The following ZNF546 variants were observed in gnomAD, a reference collection of about 807,000 sequenced individuals.
ZNF546 encodes the protein CTC-471F3.6.
A neutral mutation model predicts 76.2 loss-of-function variants in ZNF546; 60 were observed. That is an observed-to-expected ratio of 0.79 (90% CI 0.64 to 0.98). The LOEUF is 0.98. Ranked by LOEUF, ZNF546 falls within the 50% of genes least tolerant of loss-of-function variation. ZNF546 has a pLI of 0.00. For missense variants in ZNF546, 936 were observed against 1,035.6 expected, an observed-to-expected ratio of 0.90 and a Z score of 1.32; for synonymous variants, 277 against 328.1, an observed-to-expected ratio of 0.84 and a Z score of 1.68.
intron 6 of ZNF546, among the ~76,000 whole-genome samples, chr19:40,013,115 T>G (rs1466808814): frequency 6.6e-6 from 1 of 152,116 alleles, no homozygotes; most frequent in Non-Finnish European, 1.5e-5. Context: ...ACCCGGCCTA[T>G]TTTACAATTC....
At position 40,008,517 on chromosome 19, in the gene ZNF546, A is replaced by G; in HGVS notation, c.346A>G (p.Lys116Glu). The G allele has an allele frequency of 3.1e-6, 5 of 1,612,892 alleles. No homozygotes were observed. Among genetic ancestry groups the G allele is most frequent in the African/African-American group, 2.7e-5 (2 of 75,052 alleles). ...PDVITLLEQE[K>E]EPWIVMREGT... ...TGTGATTACTTTATTGGAGCAAGAG[A>G]AAGAGCCCTGGATAGTAATGAGGGA... The change falls in exon 6 of 7, where the codon AAA (lysine) becomes GAA (glutamate). Residue 116 changes from lysine to glutamate, a missense_variant. Lys to Glu is a moderately conservative substitution (Grantham distance 56). Transcript: ENST00000347077.
intron 3 of ZNF546, among the ~76,000 whole-genome samples, chr19:40,001,609 ACCT>A (rs1232484386): frequency 6.6e-6 from 1 of 152,052 alleles, no homozygotes; most frequent in Non-Finnish European, 1.5e-5. Context: ...TGATCCACCC[ACCT>A]CAGCCTCCCA....
rs1259161668 is a variant in ZNF546, at chr19:40,018,285, T to C, written c.*2504T>C. Reference sequence around the variant, plus strand: ...GCACCCGGCCTTCCCAAAGTATTTTTAAATGTGCTTTTTTATCCCCAGTAT... The same window carrying C: ...GCACCCGGCCTTCCCAAAGTATTTTCAAATGTGCTTTTTTATCCCCAGTAT... On this transcript the variant is annotated 3_prime_UTR_variant, in exon 7 of 7. Transcript: ENST00000347077. 6.6e-6 allele frequency: 1 copy of C among 152,224 alleles called. No individual in the cohort carries two copies. Among genetic ancestry groups the C allele is most frequent in the Non-Finnish European group, 1.5e-5 (1 of 68,050 alleles). The allele number at this position is 152,224 out of a possible 1,614,324, so 9.4% of individuals were successfully genotyped here. A position where few individuals can be genotyped will look rare whatever the true frequency, so the allele number is the denominator to read the frequency against.
Position 40,016,107 on chromosome 19 carries a change from C to G in ZNF546, c.*326C>G. ...CTGTAATCCCAGCACTGTGGAAAGACAGGAGTTCGAAACCAGCCTGGGCAA... is the reference window on the plus strand; with the variant it reads ...CTGTAATCCCAGCACTGTGGAAAGAGAGGAGTTCGAAACCAGCCTGGGCAA... On this transcript the variant is annotated 3_prime_UTR_variant, in exon 7 of 7. Coordinates refer to ENST00000347077, the MANE Select transcript of ZNF546 (RefSeq NM_178544.5). The G allele has an allele frequency of 3.5e-6, 1 of 284,878 alleles. No homozygotes were observed. Among genetic ancestry groups the G allele is most frequent in the Non-Finnish European group, 6.7e-6 (1 of 148,550 alleles). The allele number at this position is 284,878 out of a possible 1,614,324, so 17.6% of individuals were successfully genotyped here.
chr19:40,015,106 T>C lies in ZNF546; in HGVS notation c.1836T>C (p.Asn612=), dbSNP rs146242831. The C allele has an allele frequency of 1.6e-5, 26 of 1,613,238 alleles. No homozygotes were observed. In the African/African-American group the frequency reaches 3.2e-4, roughly 20 times the overall value. The part of the protein sequence containing the change: ...IHTGEKPYIC[N]ECGKAFRFQT... ...CTGGTGAAAAACCCTACATATGTAA[T>C]GAATGTGGGAAAGCCTTTCGATTTC... The change falls in exon 7 of 7, where the codon AAT becomes AAC. Residue 612 remains asparagine (N), a synonymous_variant. Coordinates refer to ENST00000347077, the MANE Select transcript of ZNF546 (RefSeq NM_178544.5).
rs547360581 is a variant in ZNF546 at position 40,014,647 on chromosome 19, T to C, written c.1377T>C (p.His459=). ...AFRLQTELTR[H]HRTHTGEKPY... ...GTCTTCAAACGGAACTTACTCGGCA[T>C]CATAGAACTCATACTGGTGAGAAAC... is the stretch of plus-strand genomic sequence containing the variant. The change falls in exon 7 of 7, where the codon CAT becomes CAC. Residue 459 remains histidine (H), a synonymous_variant. Coordinates refer to ENST00000347077, the MANE Select transcript of ZNF546 (RefSeq NM_178544.5). The C allele has an allele frequency of 6.2e-7, 1 of 1,613,468 alleles. No individual in the cohort carries two copies. Among genetic ancestry groups the C allele is most frequent in the East Asian group, 2.2e-5 (1 of 44,852 alleles).
intron 3 of ZNF546, among the ~76,000 whole-genome samples, chr19:40,001,834 T>C (rs1971534949): frequency 6.6e-6 from 1 of 152,184 alleles, no homozygotes; most frequent in Non-Finnish European, 1.5e-5. Flanking sequence ...ATGATTTTAT[T>C]TAATAGCAGT....
At chr19:40,006,898 G>T (rs959738244) in intron 4 of ZNF546, among the ~76,000 whole-genome samples, 1 of 152,114 alleles carries the variant, frequency 6.6e-6, no homozygotes, top group Non-Finnish European at 1.5e-5. Flanking sequence ...GAGTTTTAAC[G>T]AAATCACGTA....
In ZNF546 at chr19:40,014,306, G is replaced by A. The variant is rs1971718084; in HGVS notation, c.1036G>A (p.Glu346Lys). ...KAFRLHYQLT[E>K]HQRIHTGERP... ...CTTTAGACTTCATTATCAACTAACT[G>A]AACATCAAAGAATTCATACTGGTGA... The change falls in exon 7 of 7, where the codon GAA becomes AAA. Residue 346 changes from glutamate to lysine, a missense_variant. Physicochemically the swap from Glu to Lys is moderately conservative, Grantham distance 56 (BLOSUM62 1). Transcript: ENST00000347077. 6.2e-7 allele frequency: 1 copy of A among 1,609,390 alleles called. No individual in the cohort carries two copies. The highest frequency in any genetic ancestry group is 1.1e-5 in the South Asian group (1 of 90,150).
intron 3 of ZNF546, among the ~76,000 whole-genome samples, chr19:40,001,322 A>G (rs1358966873): frequency 2.0e-5 from 3 of 151,966 alleles, no homozygotes; most frequent in Admixed American, 1.3e-4. Context: ...ATGTTGAAGA[A>G]TGATGTCCCC....
In ZNF546 at chr19:40,019,371, A is replaced by G. The variant is rs1971824009; in HGVS notation, c.*3590A>G. ...AGAATGAAGAAGCATTAAACTCAAG[A>G]AACTAAGGGAAAAATAAGTCAATAT... On this transcript the variant is annotated 3_prime_UTR_variant, in exon 7 of 7. Coordinates refer to ENST00000347077, the MANE Select transcript of ZNF546 (RefSeq NM_178544.5). 1 of 152,248 alleles carries G rather than the reference A, an allele frequency of 6.6e-6. No individual in the cohort carries two copies. The highest frequency in any genetic ancestry group is 2.1e-4 in the South Asian group (1 of 4,838). 9.4% of individuals were successfully genotyped at this position (152,248 alleles called of 1,614,324 possible). A position where few individuals can be genotyped will look rare whatever the true frequency, so the allele number is the denominator to read the frequency against.
In ZNF546 at chr19:40,015,316, A is replaced by G; in HGVS notation, c.2046A>G (p.Gln682=). 2 of 1,614,166 alleles carry G rather than the reference A, an allele frequency of 1.2e-6. No individual in the cohort carries two copies. Among genetic ancestry groups the G allele is most frequent in the Non-Finnish European group, 1.7e-6 (2 of 1,180,022 alleles). Residue 682 remains glutamine (Q), a synonymous_variant, in exon 7 of 7, where the codon CAA becomes CAG. Transcript: ENST00000347077. The stretch of plus-strand genomic sequence containing the variant: ...TTAGTCGGCACTATCATCTTACTCA[A>G]CATCACAGAGGCCATACTGGTGAGA... ...KTFSRHYHLT[Q]HHRGHTGEKP... is the part of the protein sequence containing the mutation.
Position 40,015,710 on chromosome 19 carries a change from T to G in ZNF546, c.2440T>G (p.Phe814Val). 8.1e-6 allele frequency: 13 copies of G among 1,614,134 alleles called. No individual in the cohort carries two copies. The highest frequency in any genetic ancestry group is 1.1e-5 in the Non-Finnish European group (13 of 1,179,980). The change falls in exon 7 of 7, where the codon TTT (phenylalanine) becomes GTT (valine). Residue 814 changes from phenylalanine to valine, a missense_variant. Phe to Val is a conservative substitution (Grantham distance 50, BLOSUM62 -1). Transcript: ENST00000347077. ...PYQCKECGKA[F>V]IRSDQLTLHQ... ...TCAATGTAAAGAATGTGGAAAAGCC[T>G]TTATTCGTAGTGATCAACTTACTTT...
intron 2 of ZNF546, 57 bp downstream of exon 2, chr19:39,997,972 CA>C: frequency 4.7e-6 from 1 of 211,800 alleles, no homozygotes; most frequent in Non-Finnish European, 9.4e-6. Flanking sequence ...CTAATCCTCA[CA>C]CAGCCTTGCC....
chr19:40,007,137 T>C, intron 4 of ZNF546, 137 bp from the exon 5 acceptor site: 1 of 528,192 alleles, frequency 1.9e-6, no homozygotes, highest in Non-Finnish European at 3.0e-6. Context: ...GAAATATTAA[T>C]TTCTTTATTC....
At chr19:40,008,767 G>T (rs1026904328) in intron 6 of ZNF546, among the ~76,000 whole-genome samples, 3 of 152,188 alleles carry the variant, frequency 2.0e-5, no homozygotes, top group Admixed American at 1.3e-4. Flanking sequence ...CATACTCCTT[G>T]TTTCTCTTCT....
At chr19:39,998,210 A>G in intron 2 of ZNF546, 38 bp from the exon 3 acceptor site, 1 of 733,850 alleles carries the variant, frequency 1.4e-6, no homozygotes. Context: ...TCTTTAAGTA[A>G]ATCTTTAAAT....
At chr19:40,006,496 C>T (rs1441291748) in intron 4 of ZNF546, among the ~76,000 whole-genome samples, 6 of 152,164 alleles carry the variant, frequency 3.9e-5, no homozygotes, top group African/African-American at 1.4e-4. Context: ...TTTCAGGCAT[C>T]TAGCCAGGGA....
In ZNF546 at chr19:40,017,066, T is replaced by C. The variant is rs1472513884; in HGVS notation, c.*1285T>C. The C allele has an allele frequency of 6.6e-6, 1 of 152,184 alleles. No individual in the cohort carries two copies. Among genetic ancestry groups the C allele is most frequent in the East Asian group, 1.9e-4 (1 of 5,206 alleles). The allele number at this position is 152,184 out of a possible 1,614,324, so 9.4% of individuals were successfully genotyped here. ...ATGTGAGAGGAAGGCCCTGTGGGTG[T>C]AAGAAATTTGTAAAAACTGTCCATT... On this transcript the variant is annotated 3_prime_UTR_variant, in exon 7 of 7. Transcript: ENST00000347077.
Sources: allele counts gnomAD v4.1 joint callset (sites outside exome capture counted in the v4.1 genomes callset), GRCh38; gene constraint gnomAD v4.1.1; transcripts MANE v1.5; gene names NCBI Gene and HGNC (gene_info 2026-07-23, HGNC 2026-07-21).